DMD: variants seen among roughly 807,000 people sequenced by gnomAD.
DMD encodes the protein mutant dystrophin.
Under a neutral mutation model 330.1 loss-of-function variants are expected in DMD, and 63 were observed. That is an observed-to-expected ratio of 0.19 (90% CI 0.16 to 0.24). The LOEUF (loss-of-function observed/expected upper bound fraction) is 0.24. Ranked by LOEUF, DMD falls within the 10% of genes least tolerant of loss-of-function variation. The probability of loss-of-function intolerance (pLI) is 1.00; values close to 1 mark genes in which losing one functional copy is unlikely to be tolerated. For synonymous variants in DMD, 1,223 were observed against 959.8 expected (o/e 1.27, Z -5.07); for missense variants, 3,344 against 2,684.1 (o/e 1.25, Z -5.43).
chrX:32,080,826 A>G (rs779180832), intron 44 of DMD, among the ~76,000 whole-genome samples: 1 of 111,730 alleles, frequency 9.0e-6, no homozygotes, highest in Non-Finnish European at 1.9e-5. Flanking sequence ...TCATCCAATG[A>G]CTGATTAATG....
chrX:31,126,225 A>G (rs1168515134), intron 78 of DMD, among the ~76,000 whole-genome samples: 1 of 112,178 alleles, frequency 8.9e-6, no homozygotes, highest in Non-Finnish European at 1.9e-5. Flanking sequence ...TCATCCCAGA[A>G]GAATAAAAAC....
chrX:32,558,002 A>G (rs759574215), intron 16 of DMD, among the ~76,000 whole-genome samples: 2 of 110,508 alleles, frequency 1.8e-5, no homozygotes, highest in Admixed American at 9.8e-5. Flanking sequence ...AAATTTCTTG[A>G]ATAAGTACTG....
chrX:31,615,568 T>C (rs763242336), intron 55 of DMD, among the ~76,000 whole-genome samples: 2 of 111,806 alleles, frequency 1.8e-5, no homozygotes, highest in East Asian at 5.6e-4. Context: ...TATAATATGT[T>C]TGTTATCATG....
chrX:32,510,813 G>C (rs1388792313), intron 18 of DMD, among the ~76,000 whole-genome samples: 1 of 111,342 alleles, frequency 9.0e-6, no homozygotes, highest in Non-Finnish European at 1.9e-5. Flanking sequence ...TAGTTAGGGA[G>C]TTGGGCACAT....
intron 67 of DMD, among the ~76,000 whole-genome samples, chrX:31,185,660 G>T (rs1368519271): frequency 9.0e-6 from 1 of 111,149 alleles, no homozygotes; most frequent in Non-Finnish European, 1.9e-5. Flanking sequence ...AATAATTCTG[G>T]AATATGATGT....
chrX:31,807,358 T>A (rs2092322463), intron 50 of DMD, among the ~76,000 whole-genome samples: 1 of 111,675 alleles, frequency 9.0e-6, no homozygotes, highest in Non-Finnish European at 1.9e-5. Flanking sequence ...GGTGCTGGAC[T>A]ATGGTACCCT....
intron 62 of DMD, among the ~76,000 whole-genome samples, chrX:31,275,750 T>C (rs1477987039): frequency 1.8e-5 from 2 of 110,931 alleles, no homozygotes; most frequent in Non-Finnish European, 3.8e-5. Context: ...CACTGGGAAT[T>C]TGTGGAGAGG....
chrX:32,175,473 T>G (rs1217323494), intron 44 of DMD, among the ~76,000 whole-genome samples: 1 of 110,691 alleles, frequency 9.0e-6, no homozygotes, highest in African/African-American at 3.3e-5. Flanking sequence ...CCTTCCACGT[T>G]GTGGAAGCTT....
rs773421804 is a variant in DMD, at chrX:31,574,152, T to G, written c.8217+53521A>C. Among the ~76,000 whole-genome samples, 8 of 100,742 alleles carry G rather than the reference T, an allele frequency of 7.9e-5. No homozygotes were observed. The South Asian group carries it at 2.9e-3, about 37-fold the overall frequency. 87.5% of individuals were successfully genotyped at this position (100,742 alleles called of 115,157 possible). A position where few individuals can be genotyped will look rare whatever the true frequency, so the allele number is the denominator to read the frequency against. Reference sequence around the variant, plus strand: ...TCTGTTTGTTTTTTTTTTTGTTTTTTTTTTTTTTTGAGGCAGAGTCTGGCT... The same window carrying G: ...TCTGTTTGTTTTTTTTTTTGTTTTTGTTTTTTTTTGAGGCAGAGTCTGGCT... On this transcript the variant is annotated intron_variant, in intron 55 of 78. Transcript: ENST00000357033.
chrX:31,669,335 T>C (rs150208986), intron 53 of DMD, among the ~76,000 whole-genome samples: 1 of 112,452 alleles, frequency 8.9e-6, no homozygotes, highest in African/African-American at 3.2e-5. Flanking sequence ...CTCACTGCGA[T>C]TGTAATATGC....
chrX:31,199,434 C>T (rs1302986246), intron 67 of DMD, among the ~76,000 whole-genome samples: 1 of 112,286 alleles, frequency 8.9e-6, no homozygotes, highest in Non-Finnish European at 1.9e-5. Context: ...GTGACTATTC[C>T]TTTTTCATAT....
chrX:32,497,388 A>C (rs774396838), intron 19 of DMD, among the ~76,000 whole-genome samples: 1 of 111,867 alleles, frequency 8.9e-6, no homozygotes, highest in Non-Finnish European at 1.9e-5. Flanking sequence ...TTATTTAAAC[A>C]TGTCCTTGAT....
chrX:31,766,554 G>A (rs1411504701), intron 51 of DMD, among the ~76,000 whole-genome samples: 1 of 111,986 alleles, frequency 8.9e-6, no homozygotes, highest in South Asian at 3.7e-4. Flanking sequence ...TACCATGCCC[G>A]GCCCAGAATT....
chrX:33,008,818 AAATG>A (rs1176110461), intron 2 of DMD, among the ~76,000 whole-genome samples: 3,769 of 62,789 alleles, frequency 0.06, 246 homozygotes, highest in East Asian at 0.089. Flanking sequence ...ATATACACAT[AAATG>A]TATACGTATA....
chrX:31,385,207 C>T (rs1281838893), intron 60 of DMD, among the ~76,000 whole-genome samples: 1 of 111,471 alleles, frequency 9.0e-6, no homozygotes, highest in Non-Finnish European at 1.9e-5. Context: ...ATTTAGCAGC[C>T]CTGCTTGGAT....
intron 62 of DMD, among the ~76,000 whole-genome samples, chrX:31,273,467 C>T (rs2051824875): frequency 1.8e-5 from 2 of 111,599 alleles, no homozygotes; most frequent in Non-Finnish European, 3.8e-5. Flanking sequence ...GCCTAAATTA[C>T]CCCTTTCTGA....
intron 60 of DMD, among the ~76,000 whole-genome samples, chrX:31,402,652 A>G (rs1022574663): frequency 1.2e-4 from 14 of 112,041 alleles, no homozygotes; most frequent in African/African-American, 3.9e-4. Flanking sequence ...CGATTTCTGA[A>G]AAAGAATTGA....
In DMD at chrX:31,926,549, G is replaced by A. The variant is rs186233602; in HGVS notation, c.6912+3047C>T. On this transcript the variant is annotated intron_variant, in intron 47 of 78. Coordinates refer to ENST00000357033, the MANE Select transcript of DMD (RefSeq NM_004006.3). ...AAATTAGTTGGGTGTGGTGGTGCGC[G>A]CCTGTAGTCCCAGCTACTCGAGAGG... Among the ~76,000 whole-genome samples, 12 of 110,106 alleles carry A rather than the reference G, an allele frequency of 1.1e-4. No individual in the cohort carries two copies. The East Asian group carries it at 1.1e-3, about 11-fold the overall frequency.
intron 17 of DMD, among the ~76,000 whole-genome samples, chrX:32,534,779 C>T (rs1027976478): frequency 2.7e-5 from 3 of 110,686 alleles, no homozygotes; most frequent in Non-Finnish European, 3.8e-5. Flanking sequence ...AATTATCTTC[C>T]AAAGTCTCCA....
Sources: allele counts gnomAD v4.1 joint callset (sites outside exome capture counted in the v4.1 genomes callset), GRCh38; gene constraint gnomAD v4.1.1; transcripts MANE v1.5; gene names NCBI Gene and HGNC (gene_info 2026-07-23, HGNC 2026-07-21).